Variants in PSMB6 observed in about 807,000 individuals in gnomAD.
PSMB6 encodes proteasome subunit beta type-6.
A neutral mutation model predicts 28.2 loss-of-function variants in PSMB6; 11 were observed. That is an observed-to-expected ratio of 0.39 (90% confidence interval 0.25 to 0.65). The LOEUF (loss-of-function observed/expected upper bound fraction) is 0.65, where lower values mean the gene tolerates loss of function less well. Among genes scored for constraint, PSMB6 ranks in the 30% least tolerant of loss-of-function variants. The probability of loss-of-function intolerance (pLI) is 0.48; values close to 1 mark genes in which losing one functional copy is unlikely to be tolerated. For synonymous variants in PSMB6, 126 were observed against 117.7 expected (o/e 1.07, Z -0.45); for missense variants, 268 against 319.4 (o/e 0.84, Z 1.23).
chr17:4,796,842 C>T, intron 2 of PSMB6, 47 bp downstream of exon 2: 1 of 1,495,638 alleles, frequency 6.7e-7, no homozygotes, highest in East Asian at 2.3e-5. Context: ...CTTCCTTTTC[C>T]TTTCCTGCCT....
At position 4,798,482 on chromosome 17, in the gene PSMB6, T is replaced by G. The variant is rs1022661154; in HGVS notation, c.*60T>G. 1 of 1,538,992 alleles carries G rather than the reference T, an allele frequency of 6.5e-7. No individual in the cohort carries two copies. The highest frequency in any genetic ancestry group is 8.8e-7 in the Non-Finnish European group (1 of 1,140,192). On this transcript the variant is annotated 3_prime_UTR_variant, in exon 6 of 6. Transcript: ENST00000270586. ...TGTACTGATGCAAAATTTAATAAAG[T>G]TTGTCACAGAGAATCTTTGTACTTT...
Position 4,796,251 on chromosome 17 carries a change from G to A in PSMB6, c.57G>A (p.Pro19=), listed in dbSNP as rs756545316. The A allele has an allele frequency of 1.9e-6, 3 of 1,591,474 alleles. No homozygotes were observed. Among genetic ancestry groups the A allele is most frequent in the South Asian group, 1.1e-5 (1 of 87,452 alleles). Residue 19 remains proline (P), a synonymous_variant, in exon 1 of 6, where the codon CCG becomes CCA. Coordinates refer to ENST00000270586, the MANE Select transcript of PSMB6 (RefSeq NM_002798.3). The part of the protein sequence containing the change: ...RGAGPAPAWG[P]EAFTPDWESR... ...CCGGGCCAGCACCGGCTTGGGGGCC[G>A]GAGGCGTTCACTCCAGACTGGGAAA...
Position 4,798,332 on chromosome 17 carries a change from G to C in PSMB6, c.630G>C (p.Leu210=), listed in dbSNP as rs749784423. ...GCTCCAGTGGAGGAGTGATCCGCCT[G>C]GCAGCCATTGCAGAGTCAGGGGTAG... ...RDGSSGGVIR[L]AAIAESGVER... is the part of the protein sequence containing the mutation. Residue 210 remains leucine (L), a synonymous_variant, in exon 6 of 6, where the codon CTG becomes CTC. Coordinates refer to ENST00000270586, the MANE Select transcript of PSMB6 (RefSeq NM_002798.3). The C allele has an allele frequency of 5.0e-6, 8 of 1,614,132 alleles. No homozygotes were observed. The highest frequency in any genetic ancestry group is 8.5e-7 in the Non-Finnish European group (1 of 1,180,058).
At chr17:4,797,304 G>A in intron 2 of PSMB6, 134 bp from the exon 3 acceptor site, 1 of 1,137,552 alleles carries the variant, frequency 8.8e-7, no homozygotes, top group Non-Finnish European at 1.2e-6. Flanking sequence ...AACAGAGCGA[G>A]ACTCCATCTC....
At position 4,796,243 on chromosome 17, in the gene PSMB6, T is replaced by C. The variant is rs1252466180; in HGVS notation, c.49T>C (p.Trp17Arg). ...AARGAGPAPAWGPEAFTPDWE... is the reference protein window; with the variant it reads ...AARGAGPAPARGPEAFTPDWE... The stretch of plus-strand genomic sequence containing the variant: ...TCGGGGAGCCGGGCCAGCACCGGCT[T>C]GGGGGCCGGAGGCGTTCACTCCAGA... The change falls in exon 1 of 6, where the codon TGG becomes CGG. Residue 17 changes from tryptophan to arginine, a missense_variant. Trp to Arg is a moderately radical substitution (Grantham distance 101). Transcript: ENST00000270586. 11 of 1,593,540 alleles carry C rather than the reference T, an allele frequency of 6.9e-6. No homozygotes were observed. Among genetic ancestry groups the C allele is most frequent in the South Asian group, 1.1e-5 (1 of 87,688 alleles).
chr17:4,797,921 G>A, intron 4 of PSMB6, 88 bp from the exon 5 acceptor site: 1 of 1,602,636 alleles, frequency 6.2e-7, no homozygotes, highest in East Asian at 2.2e-5. Flanking sequence ...CTATTAACGT[G>A]CCTCAGACCA....
At chr17:4,796,669 A>G in intron 1 of PSMB6, 59 bp from the exon 2 acceptor site, 1 of 1,438,682 alleles carries the variant, frequency 7.0e-7, no homozygotes, top group Non-Finnish European at 9.8e-7. Flanking sequence ...AGGTAGAGAG[A>G]TCATTGAGGT....
At position 4,798,004 on chromosome 17, in the gene PSMB6, G is replaced by C. The variant is rs1160104667; in HGVS notation, c.433-5G>C. On this transcript the variant is annotated splice_region_variant and splice_polypyrimidine_tract_variant and intron_variant, in intron 4 of 5. Transcript: ENST00000270586. Reference sequence around the variant, plus strand: ...ACTGGTGACTCCTCTCCTTCTATCTGGCAGGTGTACTCAGTGCCTATGGGG... The same window carrying C: ...ACTGGTGACTCCTCTCCTTCTATCTCGCAGGTGTACTCAGTGCCTATGGGG... 6.2e-7 allele frequency: 1 copy of C among 1,613,924 alleles called. No individual in the cohort carries two copies.
At chr17:4,796,587 C>T in intron 1 of PSMB6, 141 bp from the exon 2 acceptor site, 4 of 866,488 alleles carry the variant, frequency 4.6e-6, no homozygotes, top group Non-Finnish European at 8.0e-6. Context: ...TTCTGGTATT[C>T]TGCGGGGTGC....
At chr17:4,797,598 T>C in intron 3 of PSMB6, 29 bp downstream of exon 3, 3 of 1,595,708 alleles carry the variant, frequency 1.9e-6, no homozygotes, top group Non-Finnish European at 2.6e-6. Flanking sequence ...GGGGCAAGTA[T>C]CTGAAGGGAG....
At chr17:4,797,987 C>T in intron 4 of PSMB6, 22 bp from the exon 5 acceptor site, 2 of 1,613,764 alleles carry the variant, frequency 1.2e-6, no homozygotes, top group Non-Finnish European at 1.7e-6. Context: ...CGACTGGTGA[C>T]TCCTCTCCTT....
At position 4,797,534 on chromosome 17, in the gene PSMB6, A is replaced by G. The variant is rs896086066; in HGVS notation, c.267A>G (p.Val89=). ...GCTCAGCTGCTGATACCCAGGCAGT[A>G]GCTGATGCTGTCACCTACCAGCTCG... ...RSGSAADTQA[V]ADAVTYQLGF... Residue 89 remains valine, a synonymous_variant, in exon 3 of 6, where the codon GTA becomes GTG. Coordinates refer to ENST00000270586, the MANE Select transcript of PSMB6 (RefSeq NM_002798.3). 1 of 1,604,194 alleles carries G rather than the reference A, an allele frequency of 6.2e-7. No individual in the cohort carries two copies.
rs754935298 is a variant in PSMB6, at chr17:4,796,175, GGCAGT to G, written c.-19_-15del. 3 of 1,563,926 alleles carry G rather than the reference GGCAGT, an allele frequency of 1.9e-6. No homozygotes were observed. In the South Asian group the frequency reaches 3.5e-5, roughly 18 times the overall value. On this transcript the variant is annotated 5_prime_UTR_variant, in exon 1 of 6. Transcript: ENST00000270586. ...GAGCGCTTTACGACAGTTGCTTTGA[GGCAGT>G]ACCGGAGGAGAAAGATGGCGGCTAC...
intron 1 of PSMB6, 30 bp from the exon 2 acceptor site, chr17:4,796,698 G>A (rs1335668908): frequency 9.0e-6 from 14 of 1,548,730 alleles, no homozygotes; most frequent in East Asian, 2.2e-5. Context: ...GCTGGAGAAT[G>A]TAGACTTACT....
chr17:4,798,374 G>C lies in PSMB6; in HGVS notation c.672G>C (p.Leu224Phe), dbSNP rs1869247521. The change falls in exon 6 of 6, where the codon TTG becomes TTC. Residue 224 changes from leucine to phenylalanine, a missense_variant. Transcript: ENST00000270586. ...AESGVERQVL[L>F]GDQIPKFAVA... Reference sequence around the variant, plus strand: ...CAGGGGTAGAGCGGCAAGTACTTTTGGGAGACCAGATACCCAAATTCGCCG... The same window carrying C: ...CAGGGGTAGAGCGGCAAGTACTTTTCGGAGACCAGATACCCAAATTCGCCG... The C allele has an allele frequency of 6.2e-7, 1 of 1,614,080 alleles. No homozygotes were observed. The highest frequency in any genetic ancestry group is 1.3e-5 in the African/African-American group (1 of 74,926).
intron 3 of PSMB6, 26 bp from the exon 4 acceptor site, chr17:4,797,656 T>C (rs1905379464): frequency 6.2e-7 from 1 of 1,611,204 alleles, no homozygotes; most frequent in African/African-American, 1.3e-5. Flanking sequence ...CTTGAAACTT[T>C]CTCTGTGACT....
At chr17:4,798,183 C>A in intron 5 of PSMB6, 30 bp downstream of exon 5, 1 of 1,613,814 alleles carries the variant, frequency 6.2e-7, no homozygotes, top group African/African-American at 1.3e-5. Context: ...GGCCTATGAG[C>A]TTCAACCCCA....
At position 4,798,073 on chromosome 17, in the gene PSMB6, G is replaced by A. The variant is rs1400581334; in HGVS notation, c.497G>A (p.Ser166Asn). 4.3e-6 allele frequency: 7 copies of A among 1,614,160 alleles called. No individual in the cohort carries two copies. The highest frequency in any genetic ancestry group is 5.9e-6 in the Non-Finnish European group (7 of 1,180,030). ...RQSFAIGGSG[S>N]SYIYGYVDAT... ...TCCTTTGCCATTGGAGGCTCCGGGAGCTCCTACATCTATGGCTATGTTGAT... is the reference window on the plus strand; with the variant it reads ...TCCTTTGCCATTGGAGGCTCCGGGAACTCCTACATCTATGGCTATGTTGAT... The change falls in exon 5 of 6, where the codon AGC becomes AAC. Residue 166 changes from serine to asparagine, a missense_variant. Coordinates refer to ENST00000270586, the MANE Select transcript of PSMB6 (RefSeq NM_002798.3).
At chr17:4,796,896 A>T in intron 2 of PSMB6, 101 bp downstream of exon 2, 1 of 991,594 alleles carries the variant, frequency 1.0e-6, no homozygotes. Flanking sequence ...GTGGGAAGAG[A>T]GGTTTCTTCT....
Sources: allele counts gnomAD v4.1 joint callset, GRCh38; gene constraint gnomAD v4.1.1; transcripts MANE v1.5; gene names NCBI Gene and HGNC (gene_info 2026-07-23, HGNC 2026-07-21).